STXBP5L: variants seen among roughly 807,000 people sequenced by gnomAD.
STXBP5L encodes the protein syntaxin-binding protein 5-like.
In STXBP5L, 65 loss-of-function variants were observed where a neutral mutation model predicts 144.5. The ratio of observed to expected loss-of-function variants is 0.45; its 90% CI spans 0.37 to 0.55. The LOEUF (loss-of-function observed/expected upper bound fraction) is 0.55. Among genes scored for constraint, STXBP5L ranks in the 20% least tolerant of loss-of-function variants. The probability of loss-of-function intolerance (pLI) is 0.00; values close to 1 mark genes in which losing one functional copy is unlikely to be tolerated. For missense variants in STXBP5L, 1,298 were observed against 1,405.5 expected (o/e 0.92, Z 1.22); for synonymous variants, 505 against 469.6 (o/e 1.08, Z -0.97).
chr3:120,981,061 C>T (rs959643590), intron 3 of STXBP5L, among the ~76,000 whole-genome samples: 3 of 152,076 alleles, frequency 2.0e-5, no homozygotes, highest in Non-Finnish European at 2.9e-5. Flanking sequence ...AAGGTTTCTG[C>T]TGAGAAGTCC....
intron 3 of STXBP5L, among the ~76,000 whole-genome samples, chr3:121,034,167 T>A (rs1946587411): frequency 6.6e-6 from 1 of 152,078 alleles, no homozygotes; most frequent in South Asian, 2.1e-4. Context: ...ATTTAAGGGG[T>A]ACAATTGCAG....
At chr3:121,120,278 A>G (rs1277951100) in intron 6 of STXBP5L, among the ~76,000 whole-genome samples, 3 of 151,288 alleles carry the variant, frequency 2.0e-5, no homozygotes, top group Non-Finnish European at 3.0e-5. Flanking sequence ...ATTAAACCTT[A>G]TCAGAGGCAT....
intron 10 of STXBP5L, among the ~76,000 whole-genome samples, chr3:121,217,803 G>C (rs1205283225): frequency 6.6e-6 from 1 of 151,834 alleles, no homozygotes; most frequent in East Asian, 1.9e-4. Flanking sequence ...TAAAATGAGA[G>C]CAAATAGATC....
Position 120,940,867 on chromosome 3 carries a change from T to C in STXBP5L, c.190-14073T>C, listed in dbSNP as rs148132161. Among the ~76,000 whole-genome samples, 230 of 151,818 alleles carry C rather than the reference T, an allele frequency of 1.5e-3. 1 individual carries two copies. The highest frequency in any genetic ancestry group is 5.4e-3 in the African/African-American group (224 of 41,492). On this transcript the variant is annotated intron_variant, in intron 2 of 26. Coordinates refer to ENST00000471454, the MANE Select transcript of STXBP5L (RefSeq NM_001308330.2). ...CAATGGCAAGAATTGGGCCTGTTAA[T>C]ATATATAATTTGATGTGTTTCTTTG...
chr3:121,038,356 TG>T (rs1240754153), intron 3 of STXBP5L, among the ~76,000 whole-genome samples: 3 of 152,036 alleles, frequency 2.0e-5, no homozygotes, highest in East Asian at 3.8e-4. Flanking sequence ...AATTATCTAC[TG>T]TTTTTTATCA....
rs537778825 is a variant in STXBP5L at position 121,028,277 on chromosome 3, T to G, written c.288-13423T>G. On this transcript the variant is annotated intron_variant, in intron 3 of 26. Transcript: ENST00000471454. ...TTATTATGCTATTAATAAATAGAAA[T>G]AATAACTTTTTCAGGCTATAGCAGA... Among the ~76,000 whole-genome samples, 7 of 151,996 alleles carry G rather than the reference T, an allele frequency of 4.6e-5. No individual in the cohort carries two copies. The South Asian group carries it at 1.5e-3, about 32-fold the overall frequency.
At chr3:121,397,755 A>T (rs537123429) in intron 22 of STXBP5L, among the ~76,000 whole-genome samples, 8 of 152,354 alleles carry the variant, frequency 5.3e-5, no homozygotes, top group African/African-American at 1.9e-4. Context: ...CCATAAATTT[A>T]TAGGTACAGA....
At chr3:121,065,094 G>T (rs529310036) in intron 5 of STXBP5L, among the ~76,000 whole-genome samples, 2 of 151,704 alleles carry the variant, frequency 1.3e-5, no homozygotes, top group African/African-American at 4.8e-5. Flanking sequence ...TGGCTGCATA[G>T]TATTCTATGG....
Position 121,017,827 on chromosome 3 carries a change from A to G in STXBP5L, c.288-23873A>G, listed in dbSNP as rs145687073. Among the ~76,000 whole-genome samples, 784 of 152,276 alleles carry G rather than the reference A, an allele frequency of 5.1e-3. 11 individuals are homozygous for G. The highest frequency in any genetic ancestry group is 0.016 in the African/African-American group (673 of 41,562). ...GGTGATGGTTCATGGCTGTAATCAC[A>G]ACATTTTGGGAGGCTGAGGCAGGAG... On this transcript the variant is annotated intron_variant, in intron 3 of 26. Coordinates refer to ENST00000471454, the MANE Select transcript of STXBP5L (RefSeq NM_001308330.2).
intron 15 of STXBP5L, among the ~76,000 whole-genome samples, chr3:121,253,254 CAA>C (rs1211737241): frequency 3.0e-5 from 4 of 133,500 alleles, no homozygotes; most frequent in Admixed American, 7.6e-5. Context: ...AAAAACATTG[CAA>C]AAAAAAAAAA....
At chr3:121,351,189 C>T (rs911399134) in intron 20 of STXBP5L, among the ~76,000 whole-genome samples, 2 of 152,138 alleles carry the variant, frequency 1.3e-5, no homozygotes, top group African/African-American at 2.4e-5. Flanking sequence ...TCAGGACCCT[C>T]AGCTGCAGGT....
intron 3 of STXBP5L, among the ~76,000 whole-genome samples, chr3:121,023,337 T>C (rs1945697698): frequency 6.6e-6 from 1 of 152,000 alleles, no homozygotes; most frequent in African/African-American, 2.4e-5. Flanking sequence ...ATCTACAAAT[T>C]CAATGCAATT....
At chr3:121,026,398 A>T (rs1428744380) in intron 3 of STXBP5L, among the ~76,000 whole-genome samples, 1 of 151,974 alleles carries the variant, frequency 6.6e-6, no homozygotes, top group East Asian at 1.9e-4. Context: ...ACATATTCCT[A>T]TTTTATTTTC....
chr3:121,341,353 G>A (rs960202925), intron 20 of STXBP5L, among the ~76,000 whole-genome samples: 19 of 152,158 alleles, frequency 1.2e-4, no homozygotes, highest in Admixed American at 7.9e-4. Context: ...AGTTGAAATG[G>A]CTTATATCCA....
At chr3:121,008,705 G>T (rs1944539726) in intron 3 of STXBP5L, among the ~76,000 whole-genome samples, 1 of 151,914 alleles carries the variant, frequency 6.6e-6, no homozygotes, top group Admixed American at 6.6e-5. Flanking sequence ...AGTACTACTA[G>T]TATATTCAAT....
intron 6 of STXBP5L, among the ~76,000 whole-genome samples, chr3:121,116,550 T>C (rs2044238307): frequency 6.6e-6 from 1 of 152,124 alleles, no homozygotes; most frequent in South Asian, 2.1e-4. Context: ...AAGTAAATAC[T>C]AAATGATTGA....
intron 3 of STXBP5L, among the ~76,000 whole-genome samples, chr3:121,012,695 C>A (rs983983064): frequency 2.8e-4 from 42 of 151,412 alleles, no homozygotes; most frequent in African/African-American, 9.7e-4. Context: ...TATTATTATT[C>A]TTAGATTTAG....
intron 3 of STXBP5L, among the ~76,000 whole-genome samples, chr3:121,018,643 A>C (rs562780527): frequency 6.6e-6 from 1 of 152,166 alleles, no homozygotes; most frequent in Non-Finnish European, 1.5e-5. Flanking sequence ...AGAAGATAAC[A>C]GAAGAAAACC....
chr3:121,348,984 T>C (rs2045141282), intron 20 of STXBP5L, among the ~76,000 whole-genome samples: 1 of 152,154 alleles, frequency 6.6e-6, no homozygotes, highest in African/African-American at 2.4e-5. Context: ...GTTAGTTATT[T>C]CTTCCATTCT....
Sources: allele counts gnomAD v4.1 joint callset (sites outside exome capture counted in the v4.1 genomes callset), GRCh38; gene constraint gnomAD v4.1.1; transcripts MANE v1.5; gene names NCBI Gene and HGNC (gene_info 2026-07-23, HGNC 2026-07-21).